ATAD2B: variants seen among roughly 807,000 people sequenced by gnomAD.
The protein encoded by ATAD2B is ATPase family AAA domain containing 2B, also known as ATPase family AAA domain-containing protein 2B.
In ATAD2B, 40 loss-of-function variants were observed where a neutral mutation model predicts 167.6. That is an observed-to-expected ratio of 0.24 (90% CI 0.19 to 0.31). The LOEUF (loss-of-function observed/expected upper bound fraction) is 0.31, where lower values mean the gene tolerates loss of function less well. ATAD2B is among the 10% of genes least tolerant of loss of function. The pLI is 1.00. For missense variants in ATAD2B, 1,242 were observed against 1,757.2 expected, an observed-to-expected ratio of 0.71 and a Z score of 5.24; for synonymous variants, 579 against 596.5, an observed-to-expected ratio of 0.97 and a Z score of 0.43.
chr2:23,805,009 G>A (rs775105766), intron 18 of ATAD2B, among the ~76,000 whole-genome samples: 17 of 151,818 alleles, frequency 1.1e-4, no homozygotes, highest in Non-Finnish European at 1.8e-4. Context: ...TGGGCGTGGT[G>A]GTGGGCGCCT....
chr2:23,824,638 G>T (rs1466086762), intron 15 of ATAD2B, among the ~76,000 whole-genome samples: 1 of 151,958 alleles, frequency 6.6e-6, no homozygotes, highest in Non-Finnish European at 1.5e-5. Context: ...TAATCTAAGG[G>T]TTATACCAAC....
At chr2:23,822,644 G>T (rs1244893674) in intron 16 of ATAD2B, among the ~76,000 whole-genome samples, 1 of 151,854 alleles carries the variant, frequency 6.6e-6, no homozygotes, top group Non-Finnish European at 1.5e-5. Context: ...GGCCGGGCGG[G>T]GTGGCTCACG....
chr2:23,825,173 C>CCTAG, intron 15 of ATAD2B, among the ~76,000 whole-genome samples: 1 of 140,958 alleles, frequency 7.1e-6, no homozygotes, highest in South Asian at 2.2e-4. Flanking sequence ...GTCTCAAACT[C>CCTAG]CTAGCCTCAA....
chr2:23,883,943 A>T (rs1698324660), intron 6 of ATAD2B, among the ~76,000 whole-genome samples: 1 of 152,170 alleles, frequency 6.6e-6, no homozygotes, highest in Admixed American at 6.5e-5. Context: ...CAGGAGTTCA[A>T]CACAAGCCTG....
chr2:23,741,338 C>G, the ATAD2B span, among the ~76,000 whole-genome samples: 3 of 152,188 alleles, frequency 2.0e-5, no homozygotes, highest in Non-Finnish European at 4.4e-5. Context: ...CAGCATGGTA[C>G]TGGTACCAAA....
the ATAD2B span, among the ~76,000 whole-genome samples, chr2:23,737,119 G>A: frequency 2.0e-5 from 3 of 152,196 alleles, no homozygotes; most frequent in Admixed American, 2.0e-4. Flanking sequence ...CCACCTCTGG[G>A]GGCAGGGCAC....
chr2:23,792,973 A>AAAAAAAAAC lies in ATAD2B; in HGVS notation c.2641-4327_2641-4326insGTTTTTTTT, dbSNP rs1553388585. Among the ~76,000 whole-genome samples, 25 of 149,790 alleles carry AAAAAAAAAC rather than the reference A, an allele frequency of 1.7e-4. 1 individual carries two copies. The highest frequency in any genetic ancestry group is 5.8e-4 in the African/African-American group (24 of 41,108). On this transcript the variant is annotated intron_variant, in intron 19 of 27. Transcript: ENST00000238789. ...GAGAGACTCTGTCTCAAAAAAAAAAAAAAAAAAAAAAAAAAAACTTGAGAA... is the reference window on the plus strand; with the variant it reads ...GAGAGACTCTGTCTCAAAAAAAAAAAAAAAAAAACAAAAAAAAAAAAAAAAACTTGAGAA...
chr2:23,684,907 T>C, the ATAD2B span, among the ~76,000 whole-genome samples: 2 of 152,044 alleles, frequency 1.3e-5, no homozygotes, highest in African/African-American at 2.4e-5. This position sits in a 1 kb window ranked among gnomAD's most constrained non-coding sequence, Gnocchi z 4.4. Flanking sequence ...CACTACACAC[T>C]GCCCCCACCG....
At chr2:23,880,538 G>A in intron 7 of ATAD2B, 101 bp downstream of exon 7, 1 of 674,844 alleles carries the variant, frequency 1.5e-6, no homozygotes, top group Non-Finnish European at 2.5e-6. Context: ...ACTCCAGCCT[G>A]GGCGATGGAG....
At chr2:23,694,007 C>T in the ATAD2B span, among the ~76,000 whole-genome samples, 1 of 152,216 alleles carries the variant, frequency 6.6e-6, no homozygotes, top group Admixed American at 6.5e-5. Context: ...AAGGGGTCCT[C>T]AGATCAGGTG....
At chr2:23,887,723 T>A in intron 4 of ATAD2B, 109 bp downstream of exon 4, 1 of 1,005,346 alleles carries the variant, frequency 9.9e-7, no homozygotes, top group South Asian at 2.2e-5. Context: ...GTTAAGTTTT[T>A]AAAGAACTGT....
chr2:23,807,240 A>G (rs766577866), intron 18 of ATAD2B, among the ~76,000 whole-genome samples: 1 of 152,192 alleles, frequency 6.6e-6, no homozygotes, highest in Non-Finnish European at 1.5e-5. Flanking sequence ...AAGCTTTGCT[A>G]TTTACTAATA....
chr2:23,896,679 C>T (rs978575021), intron 1 of ATAD2B, among the ~76,000 whole-genome samples: 12 of 152,146 alleles, frequency 7.9e-5, no homozygotes, highest in African/African-American at 2.9e-4. Context: ...AATACAGAGT[C>T]AAACCACAGA....
At chr2:23,746,079 A>G (rs1010687211), downstream of ATAD2B, among the ~76,000 whole-genome samples, 5 of 152,218 alleles carry the variant, frequency 3.3e-5, no homozygotes, top group Admixed American at 3.3e-4. Flanking sequence ...CAGCTCAGGC[A>G]AGGAACCAGA....
intron 20 of ATAD2B, chr2:23,788,089 AAATGGCAAATGTTCT>A (rs1335374917): frequency 6.3e-6 from 1 of 157,972 alleles, no homozygotes; most frequent in Non-Finnish European, 1.4e-5. Context: ...AATAAACTAG[AAATGGCAAATGTTCT>A]AAGCAGCTAT....
At chr2:23,857,864 C>A (rs1693675437) in intron 12 of ATAD2B, among the ~76,000 whole-genome samples, 1 of 151,442 alleles carries the variant, frequency 6.6e-6, no homozygotes, top group Non-Finnish European at 1.5e-5. Context: ...GCCTCAGCCT[C>A]CTGAGTAGCT....
chr2:23,691,862 G>A, the ATAD2B span: 1 of 1,550,420 alleles, frequency 6.4e-7, no homozygotes, highest in Non-Finnish European at 8.7e-7. Context: ...TGCAAAGTCT[G>A]CGTGTCCTTT....
intron 11 of ATAD2B, 55 bp downstream of exon 11, chr2:23,864,754 A>G (rs1694899366): frequency 1.3e-6 from 1 of 783,468 alleles, no homozygotes; most frequent in African/African-American, 1.8e-5. Context: ...TTACTCAAAT[A>G]ACATTTGAGA....
chr2:23,823,080 T>C (rs1482426873), intron 16 of ATAD2B, among the ~76,000 whole-genome samples, 178 bp downstream of exon 16: 2 of 152,058 alleles, frequency 1.3e-5, no homozygotes, highest in African/African-American at 2.4e-5. Flanking sequence ...TCATTTGTCT[T>C]AAAAACATTC....
Sources: allele counts gnomAD v4.1 joint callset (sites outside exome capture counted in the v4.1 genomes callset), GRCh38; gene constraint gnomAD v4.1.1; non-coding constraint Gnocchi (gnomAD v3.1); transcripts MANE v1.5; gene names NCBI Gene and HGNC (gene_info 2026-07-23, HGNC 2026-07-21).